Variants in DLG2 observed in about 807,000 individuals in gnomAD.
DLG2 encodes disks large homolog 2.
DLG2 carries 45 observed loss-of-function variants against 132.5 expected under a neutral mutation model. The ratio of observed to expected loss-of-function variants is 0.34; its 90% CI spans 0.27 to 0.44. The LOEUF (loss-of-function observed/expected upper bound fraction) is 0.44, where lower values mean the gene tolerates loss of function less well. Ranked by LOEUF, DLG2 falls within the 20% of genes least tolerant of loss-of-function variation. DLG2 has a pLI of 1.00. For synonymous variants in DLG2, 424 were observed against 419.6 expected, an observed-to-expected ratio of 1.01 and a Z score of -0.13; for missense variants, 1,045 against 1,196.9, an observed-to-expected ratio of 0.87 and a Z score of 1.87.
chr11:85,304,250 G>C (rs943066871), intron 3 of DLG2, among the ~76,000 whole-genome samples: 9 of 152,126 alleles, frequency 5.9e-5, no homozygotes, highest in African/African-American at 2.2e-4. Flanking sequence ...CATCCACTAT[G>C]CATAGAGCAA....
chr11:83,575,520 A>G (rs1408342122), intron 19 of DLG2, among the ~76,000 whole-genome samples: 1 of 152,182 alleles, frequency 6.6e-6, no homozygotes, highest in South Asian at 2.1e-4. Context: ...CAGAGTACTG[A>G]TTGGCATCTG....
intron 3 of DLG2, among the ~76,000 whole-genome samples, chr11:85,591,949 T>C (rs747509781): frequency 4.6e-5 from 7 of 152,198 alleles, no homozygotes; most frequent in Non-Finnish European, 1.0e-4. Context: ...AAAACATCCT[T>C]CTCTACTCTC....
intron 7 of DLG2, among the ~76,000 whole-genome samples, chr11:84,375,812 T>C (rs562941798): frequency 1.2e-4 from 19 of 152,102 alleles, no homozygotes; most frequent in Non-Finnish European, 2.2e-4. Context: ...CACACATTTA[T>C]CTTAGATTAT....
At chr11:85,229,666 T>C (rs1241931841) in intron 4 of DLG2, among the ~76,000 whole-genome samples, 1 of 152,070 alleles carries the variant, frequency 6.6e-6, no homozygotes. Context: ...TTATAAATCA[T>C]TCTATTATAA....
At chr11:83,751,100 A>G (rs1420565792) in intron 18 of DLG2, among the ~76,000 whole-genome samples, 1 of 152,238 alleles carries the variant, frequency 6.6e-6, no homozygotes, top group Non-Finnish European at 1.5e-5. Context: ...GTGGGATATA[A>G]AGTATATGTA....
chr11:85,414,751 G>A (rs1220291651), intron 3 of DLG2, among the ~76,000 whole-genome samples: 1 of 151,864 alleles, frequency 6.6e-6, no homozygotes, highest in African/African-American at 2.4e-5. Context: ...ACATCTATTA[G>A]CGGTTGTTTT....
chr11:84,041,955 T>C (rs2096095883), intron 11 of DLG2, among the ~76,000 whole-genome samples: 1 of 151,926 alleles, frequency 6.6e-6, no homozygotes, highest in South Asian at 2.1e-4. Flanking sequence ...CAAGCTCTCT[T>C]CTCTTGTGTG....
chr11:84,988,638 G>A lies in DLG2; in HGVS notation c.357+123023C>T, dbSNP rs111719768. On this transcript the variant is annotated intron_variant, in intron 6 of 27. Coordinates refer to ENST00000376104, the MANE Select transcript of DLG2 (RefSeq NM_001142699.3). ...ACTCAGGAATGGAAAACCAAACATC[G>A]TATGCTCGCTCATAAGTGGGACCTA... Among the ~76,000 whole-genome samples, 617 of 152,288 alleles carry A rather than the reference G, an allele frequency of 4.1e-3. 7 individuals are homozygous for A. Among genetic ancestry groups the A allele is most frequent in the African/African-American group, 0.014 (571 of 41,560 alleles).
intron 11 of DLG2, among the ~76,000 whole-genome samples, chr11:83,998,530 C>A (rs2094168964): frequency 6.6e-6 from 1 of 152,150 alleles, no homozygotes; most frequent in African/African-American, 2.4e-5. Context: ...CCAGGATCAG[C>A]TGGGAGATGA....
intron 3 of DLG2, among the ~76,000 whole-genome samples, chr11:85,335,807 C>T (rs1055490614): frequency 1.1e-4 from 17 of 151,120 alleles, no homozygotes; most frequent in African/African-American, 4.1e-4. Flanking sequence ...GGGTGGGGGA[C>T]TAGGGGAGGG....
intron 7 of DLG2, among the ~76,000 whole-genome samples, chr11:84,354,142 T>A (rs2098597558): frequency 6.6e-6 from 1 of 152,200 alleles, no homozygotes; most frequent in South Asian, 2.1e-4. Flanking sequence ...CAATACAGTA[T>A]TTTTAAGTAA....
intron 6 of DLG2, among the ~76,000 whole-genome samples, chr11:84,993,693 A>C (rs200602100): frequency 6.6e-6 from 1 of 151,936 alleles, no homozygotes; most frequent in Non-Finnish European, 1.5e-5. Flanking sequence ...TTTAATCTTT[A>C]CCTCTAATGG....
chr11:84,645,705 G>C (rs1174272443), intron 6 of DLG2, among the ~76,000 whole-genome samples: 3 of 152,154 alleles, frequency 2.0e-5, no homozygotes, highest in Non-Finnish European at 4.4e-5. Flanking sequence ...CTGACCTCGT[G>C]ATCCGCCAGC....
chr11:83,999,257 T>C (rs1429918064), intron 11 of DLG2, among the ~76,000 whole-genome samples: 1 of 152,090 alleles, frequency 6.6e-6, no homozygotes, highest in Non-Finnish European at 1.5e-5. Context: ...TCTATCACCA[T>C]TGGTAGGTGA....
At chr11:83,699,920 A>G (rs2082616729) in intron 18 of DLG2, among the ~76,000 whole-genome samples, 1 of 139,536 alleles carries the variant, frequency 7.2e-6, no homozygotes, top group South Asian at 2.4e-4. Context: ...TATCTTATCT[A>G]TCCCCCCACC....
chr11:84,434,689 C>CTGAG (rs1193193284), intron 7 of DLG2, among the ~76,000 whole-genome samples: 1 of 151,958 alleles, frequency 6.6e-6, no homozygotes, highest in Non-Finnish European at 1.5e-5. Context: ...TGTGATGCTA[C>CTGAG]TGAGTTCTAG....
intron 3 of DLG2, among the ~76,000 whole-genome samples, chr11:85,530,362 C>T (rs921244426): frequency 2.0e-5 from 3 of 150,450 alleles, no homozygotes; most frequent in Non-Finnish European, 3.0e-5. Flanking sequence ...GCTCTGTTGC[C>T]CAGGCTGGAG....
intron 8 of DLG2, among the ~76,000 whole-genome samples, chr11:84,230,266 G>C (rs1219355165): frequency 1.3e-5 from 2 of 152,240 alleles, no homozygotes; most frequent in East Asian, 3.9e-4. Context: ...ATCATTAGTA[G>C]TTTGTTTTCT....
intron 3 of DLG2, among the ~76,000 whole-genome samples, chr11:85,432,842 GAAC>G (rs1471279951): frequency 6.6e-6 from 1 of 151,958 alleles, no homozygotes; most frequent in Non-Finnish European, 1.5e-5. Flanking sequence ...TCCACGAGAA[GAAC>G]AACCCCAAGA....
Sources: allele counts gnomAD v4.1 joint callset (sites outside exome capture counted in the v4.1 genomes callset), GRCh38; gene constraint gnomAD v4.1.1; transcripts MANE v1.5; gene names NCBI Gene and HGNC (gene_info 2026-07-23, HGNC 2026-07-21).